The following CAPRIN2 variants were observed in gnomAD, a reference collection of about 807,000 sequenced individuals.
The protein encoded by CAPRIN2 is caprin family member 2.
Under a neutral mutation model 130.4 loss-of-function variants are expected in CAPRIN2, and 66 were observed. The ratio of observed to expected loss-of-function variants is 0.51; its 90% CI spans 0.42 to 0.62. The LOEUF is 0.62. CAPRIN2 is among the 20% of genes least tolerant of loss of function. The pLI, the probability that CAPRIN2 is intolerant of heterozygous loss-of-function variation, is 0.00. For missense variants in CAPRIN2, 1,185 were observed against 1,246.6 expected, an observed-to-expected ratio of 0.95 and a Z score of 0.74; for synonymous variants, 471 against 444.1, an observed-to-expected ratio of 1.06 and a Z score of -0.76.
At chr12:30,731,105 C>T (rs2062525708) in intron 6 of CAPRIN2, among the ~76,000 whole-genome samples, 1 of 152,056 alleles carries the variant, frequency 6.6e-6, no homozygotes, top group African/African-American at 2.4e-5. Flanking sequence ...TCCTTTTAAC[C>T]AATGTATTCT....
intron 11 of CAPRIN2, 71 bp downstream of exon 12, chr12:30,723,188 T>G: frequency 9.5e-7 from 1 of 1,051,374 alleles, no homozygotes. Context: ...TCAGTAAGTC[T>G]GATTATTCTT....
chr12:30,733,375 G>A (rs1443342729), intron 5 of CAPRIN2, among the ~76,000 whole-genome samples: 2 of 152,118 alleles, frequency 1.3e-5, no homozygotes, highest in East Asian at 3.8e-4. Context: ...GTTGAAGCCA[G>A]TACTTAGCTC....
At chr12:30,739,395 G>A (rs1032048378) in intron 3 of CAPRIN2, among the ~76,000 whole-genome samples, 1 of 152,108 alleles carries the variant, frequency 6.6e-6, no homozygotes, top group Admixed American at 6.6e-5. Context: ...ACACACTGGA[G>A]CCACTTGAGG....
upstream of CAPRIN2, chr12:30,754,675 C>A (rs1398649184): frequency 6.6e-6 from 1 of 152,558 alleles, no homozygotes; most frequent in Non-Finnish European, 1.5e-5. Flanking sequence ...CGCCGGCCGC[C>A]CAGACCTGCC....
intron 2 of CAPRIN2, among the ~76,000 whole-genome samples, chr12:30,749,676 A>C (rs2072708157): frequency 6.6e-6 from 1 of 152,162 alleles, no homozygotes; most frequent in Non-Finnish European, 1.5e-5. Flanking sequence ...AGATTAGAGG[A>C]GGAGCAGGTT....
chr12:30,747,626 G>T (rs148070028), intron 2 of CAPRIN2, among the ~76,000 whole-genome samples: 1 of 151,416 alleles, frequency 6.6e-6, no homozygotes, highest in Non-Finnish European at 1.5e-5. Context: ...GCGGTGAGCC[G>T]AGATCGTGCC....
chr12:30,744,821 CTAGAG>C (rs772530935), intron 2 of CAPRIN2, among the ~76,000 whole-genome samples: 5 of 152,096 alleles, frequency 3.3e-5, no homozygotes, highest in African/African-American at 4.8e-5. Context: ...ACAGCACCTC[CTAGAG>C]TAGATACTTA....
At chr12:30,744,209 G>T (rs1029058919) in intron 2 of CAPRIN2, among the ~76,000 whole-genome samples, 2 of 152,096 alleles carry the variant, frequency 1.3e-5, no homozygotes, top group East Asian at 3.9e-4. Context: ...CACTGCCTTA[G>T]TAGGGCTCCC....
At chr12:30,748,120 T>G (rs578049123) in intron 2 of CAPRIN2, among the ~76,000 whole-genome samples, 1 of 152,306 alleles carries the variant, frequency 6.6e-6, no homozygotes, top group South Asian at 2.1e-4. Context: ...CAACAAAACC[T>G]TTAGAATTTT....
rs181995035 is a variant in CAPRIN2 at position 30,717,729 on chromosome 12, T to C, written c.2149-1053A>G. 2.9e-3 allele frequency among the ~76,000 whole-genome samples: 437 copies of C among 152,258 alleles called. 2 individuals are homozygous for C. Among genetic ancestry groups the C allele is most frequent in the African/African-American group, 9.6e-3 (399 of 41,542 alleles). The stretch of plus-strand genomic sequence containing the variant: ...AGCTATACAAGGGTAAGGGGTCTTT[T>C]TTTCAAAAACTAAAGATGAATGAAA... On this transcript the variant is annotated intron_variant, in intron 12 of 16. Transcript: ENST00000298892.
chr12:30,726,631 T>C (rs1017852440), intron 8 of CAPRIN2, among the ~76,000 whole-genome samples: 1 of 152,182 alleles, frequency 6.6e-6, no homozygotes, highest in African/African-American at 2.4e-5. Context: ...TGCTTAAAAT[T>C]GATGCACATT....
At chr12:30,745,866 T>C (rs1174319787) in intron 2 of CAPRIN2, among the ~76,000 whole-genome samples, 3 of 152,158 alleles carry the variant, frequency 2.0e-5, no homozygotes. Flanking sequence ...AGAAACAAGC[T>C]GTATTAAAAT....
chr12:30,718,547 T>G (rs945234790), intron 12 of CAPRIN2, among the ~76,000 whole-genome samples: 1 of 152,234 alleles, frequency 6.6e-6, no homozygotes, highest in African/African-American at 2.4e-5. Flanking sequence ...AGCTGTAATA[T>G]TATTTTTTTA....
intron 16 of CAPRIN2, 65 bp downstream of exon 18, chr12:30,711,501 A>T (rs2054572530): frequency 8.0e-7 from 1 of 1,243,148 alleles, no homozygotes. Context: ...AGAACTTGGT[A>T]GAGGATGCAG....
intron 2 of CAPRIN2, among the ~76,000 whole-genome samples, chr12:30,742,201 C>T (rs1046115308): frequency 2.6e-5 from 4 of 151,976 alleles, no homozygotes; most frequent in Non-Finnish European, 4.4e-5. Context: ...AACAAATGTA[C>T]GCTTAGAATG....
intron 13 of CAPRIN2, chr12:30,715,614 G>C (rs2057286300): frequency 8.7e-6 from 3 of 344,672 alleles, no homozygotes; most frequent in South Asian, 6.7e-5. Flanking sequence ...CAACAGTTTG[G>C]TTGTACTTAA....
intron 8 of CAPRIN2, among the ~76,000 whole-genome samples, chr12:30,727,231 G>A (rs1370997166): frequency 1.3e-5 from 2 of 152,124 alleles, no homozygotes; most frequent in African/African-American, 4.8e-5. Context: ...TTACTGTTGT[G>A]TGATATTTGG....
intron 13 of CAPRIN2, chr12:30,716,291 C>A: frequency 2.2e-6 from 1 of 457,424 alleles, no homozygotes; most frequent in East Asian, 4.3e-5. Context: ...TTAAATCCGT[C>A]ATCTAAGTTC....
chr12:30,709,882 T>C (rs779984888), exon 17 of CAPRIN2: 2 of 1,578,320 alleles, frequency 1.3e-6, no homozygotes, highest in Admixed American at 3.5e-5. Flanking sequence ...ATCCTTTTAT[T>C]GTCAATACTG....
Sources: gnomAD v4.1 joint callset for allele counts (sites outside exome capture counted in the v4.1 genomes callset) on GRCh38, gnomAD v4.1.1 for gene constraint, MANE v1.5 for transcripts, NCBI Gene and HGNC (gene_info 2026-07-23, HGNC 2026-07-21) for gene names.